Variants in PGM1 observed in about 807,000 individuals in gnomAD.
PGM1 encodes phosphoglucomutase 1.
Under a neutral mutation model 55.6 loss-of-function variants are expected in PGM1, and 52 were observed. That is an observed-to-expected ratio of 0.94 (90% CI 0.75 to 1.18). The LOEUF (loss-of-function observed/expected upper bound fraction) is 1.18, where lower values mean the gene tolerates loss of function less well. Ranked by LOEUF, PGM1 falls within the 50% of genes most tolerant of loss-of-function variation. The probability of loss-of-function intolerance (pLI) is 0.00; values close to 1 mark genes in which losing one functional copy is unlikely to be tolerated. For missense variants in PGM1, 724 were observed against 729.3 expected, an observed-to-expected ratio of 0.99 and a Z score of 0.08; for synonymous variants, 287 against 271.7, an observed-to-expected ratio of 1.06 and a Z score of -0.55.
At chr1:63,632,987 C>A (rs1217816337) in intron 4 of PGM1, among the ~76,000 whole-genome samples, 1 of 152,122 alleles carries the variant, frequency 6.6e-6, no homozygotes, top group African/African-American at 2.4e-5. Context: ...CACACCACTG[C>A]CCCCCAGCCT....
rs1210366249 is a variant in PGM1, at chr1:63,647,296, A to ATATATATATG, written c.1145-1212_1145-1211insGTATATATAT. ...TATATATATATATATATATATATAT[A>ATATATATATG]TATATATATATAGTATTAAACATCT... On this transcript the variant is annotated intron_variant, in intron 7 of 10. Coordinates refer to ENST00000371084, the MANE Select transcript of PGM1 (RefSeq NM_002633.3). Among the ~76,000 whole-genome samples, 17 of 113,458 alleles carry ATATATATATG rather than the reference A, an allele frequency of 1.5e-4. 1 individual carries two copies. The highest frequency in any genetic ancestry group is 4.4e-4 in the African/African-American group (14 of 32,148). The allele number at this position is 113,458 out of a possible 152,430, so 74.4% of individuals were successfully genotyped here.
At chr1:63,659,514 C>T (rs534389713) in intron 10 of PGM1, 72 bp from the exon 11 acceptor site, 27 of 1,229,480 alleles carry the variant, frequency 2.2e-5, no homozygotes, top group African/African-American at 4.4e-5. Context: ...GGCAGTCAGA[C>T]GTACGGGTTT....
intron 7 of PGM1, among the ~76,000 whole-genome samples, chr1:63,640,450 A>G (rs1333341744): frequency 2.0e-5 from 3 of 152,230 alleles, no homozygotes; most frequent in Non-Finnish European, 4.4e-5. Context: ...ATTCTGCCAT[A>G]AAGAATCCTG....
intron 3 of PGM1, among the ~76,000 whole-genome samples, chr1:63,630,785 G>T (rs575249543): frequency 6.6e-6 from 1 of 152,330 alleles, no homozygotes; most frequent in South Asian, 2.1e-4. Flanking sequence ...CAATGAACTT[G>T]CATTTTGACT....
chr1:63,619,685 A>G (rs1291911551), intron 1 of PGM1, among the ~76,000 whole-genome samples: 2 of 152,162 alleles, frequency 1.3e-5, no homozygotes, highest in African/African-American at 4.8e-5. Flanking sequence ...GGCTCCATAG[A>G]CTTGCCCCAA....
intron 1 of PGM1, among the ~76,000 whole-genome samples, chr1:63,622,628 G>A (rs1001213828): frequency 1.3e-5 from 2 of 152,014 alleles, no homozygotes; most frequent in African/African-American, 4.8e-5. Flanking sequence ...TTAAGGACTT[G>A]GTGCATCCTC....
chr1:63,638,502 C>T (rs1649421236), intron 6 of PGM1, among the ~76,000 whole-genome samples, 183 bp from the exon 7 acceptor site: 1 of 135,724 alleles, frequency 7.4e-6, no homozygotes, highest in South Asian at 2.2e-4. Context: ...TCTGAATCCA[C>T]ATATAATAGC....
At chr1:63,610,194 G>C (rs947840080) in intron 1 of PGM1, among the ~76,000 whole-genome samples, 7 of 152,108 alleles carry the variant, frequency 4.6e-5, no homozygotes, top group African/African-American at 1.7e-4. Context: ...TACATACAAA[G>C]GTTTTGTGAA....
chr1:63,650,004 AG>A (rs1459395196), intron 8 of PGM1, among the ~76,000 whole-genome samples: 1 of 152,352 alleles, frequency 6.6e-6, no homozygotes. Flanking sequence ...TAAGGTTAGG[AG>A]GGGTTGTTCA....
At chr1:63,623,648 T>G (rs778972095) in intron 1 of PGM1, 1 of 1,612,700 alleles carries the variant, frequency 6.2e-7, no homozygotes. Context: ...AGTATATTCT[T>G]TTCCATAGAC....
chr1:63,648,483 C>T (rs200754219), intron 7 of PGM1, 34 bp from the exon 8 acceptor site: 284 of 1,613,428 alleles, frequency 1.8e-4, no homozygotes, highest in Non-Finnish European at 1.8e-4. Flanking sequence ...GGAGAAAGCA[C>T]GTTTCTTACA....
At chr1:63,609,262 CT>C (rs1557704690) in intron 1 of PGM1, among the ~76,000 whole-genome samples, 2 of 152,172 alleles carry the variant, frequency 1.3e-5, no homozygotes, top group Non-Finnish European at 2.9e-5. Context: ...CAGGATGGAT[CT>C]GTGGAATGGT....
intron 10 of PGM1, among the ~76,000 whole-genome samples, chr1:63,656,294 G>A (rs1352857182): frequency 6.6e-6 from 1 of 152,164 alleles, no homozygotes; most frequent in Non-Finnish European, 1.5e-5. Context: ...TGTTGGGAAG[G>A]ATGTGGAGAA....
chr1:63,651,949 C>G, intron 9 of PGM1, 97 bp downstream of exon 9: 1 of 1,170,004 alleles, frequency 8.5e-7, no homozygotes, highest in Non-Finnish European at 1.3e-6. Flanking sequence ...GGCTATTTTT[C>G]TTTTGCTGCT....
At chr1:63,653,626 T>C (rs1005352868) in intron 9 of PGM1, among the ~76,000 whole-genome samples, 24 of 152,150 alleles carry the variant, frequency 1.6e-4, no homozygotes, top group African/African-American at 4.6e-4. Context: ...TTGGGAAATA[T>C]CTACCCCAGA....
chr1:63,604,832 T>G (rs1426410382), intron 1 of PGM1, among the ~76,000 whole-genome samples: 2 of 152,032 alleles, frequency 1.3e-5, no homozygotes, highest in African/African-American at 2.4e-5. Context: ...GCTCCTTGTG[T>G]AAAGTTAAAG....
chr1:63,611,557 C>G (rs1648565721), intron 1 of PGM1, among the ~76,000 whole-genome samples: 2 of 152,116 alleles, frequency 1.3e-5, no homozygotes, highest in South Asian at 4.1e-4. Flanking sequence ...CCTGGGAATT[C>G]TCTTATGGCC....
At chr1:63,649,788 G>A (rs894597050) in intron 8 of PGM1, among the ~76,000 whole-genome samples, 1 of 152,062 alleles carries the variant, frequency 6.6e-6, no homozygotes, top group African/African-American at 2.4e-5. Context: ...TGGGAACCAA[G>A]GCAAAAAAAT....
chr1:63,601,206 G>A (rs934577792), intron 1 of PGM1, among the ~76,000 whole-genome samples: 1 of 152,164 alleles, frequency 6.6e-6, no homozygotes, highest in African/African-American at 2.4e-5. Flanking sequence ...AGACTAGATA[G>A]GAGATGTGGT....
Sources: gnomAD v4.1 joint callset for allele counts (sites outside exome capture counted in the v4.1 genomes callset) on GRCh38, gnomAD v4.1.1 for gene constraint, MANE v1.5 for transcripts, NCBI Gene and HGNC (gene_info 2026-07-23, HGNC 2026-07-21) for gene names.